Variants in NID2 observed in about 807,000 individuals in gnomAD.
NID2 encodes nidogen-2.
A neutral mutation model predicts 145.4 loss-of-function variants in NID2; 83 were observed. The ratio of observed to expected loss-of-function variants is 0.57; its 90% CI spans 0.48 to 0.69. NID2 has a LOEUF of 0.69. Ranked by LOEUF, NID2 falls within the 30% of genes least tolerant of loss-of-function variation. NID2 has a pLI of 0.00. For synonymous variants in NID2, 739 were observed against 701.3 expected, an observed-to-expected ratio of 1.05 and a Z score of -0.85; for missense variants, 1,807 against 1,765.7, an observed-to-expected ratio of 1.02 and a Z score of -0.42.
rs1295705140 is a variant in NID2 at position 52,005,279 on chromosome 14, A to AACAACC, written c.*201_*206dup. 2.2e-5 allele frequency: 9 copies of AACAACC among 410,966 alleles called. No individual in the cohort carries two copies. The highest frequency in any genetic ancestry group is 1.1e-4 in the East Asian group (3 of 28,022). 25.5% of individuals were successfully genotyped at this position (410,966 alleles called of 1,614,324 possible). A position where few individuals can be genotyped will look rare whatever the true frequency, so the allele number is the denominator to read the frequency against. On this transcript the variant is annotated 3_prime_UTR_variant, in exon 22 of 22. Transcript: ENST00000216286. Reference sequence around the variant, plus strand: ...TCTGTTACCTTTTTAAACTTGCAATAACAACCTTCATTTTTAAAAATACAG... The same window carrying AACAACC: ...TCTGTTACCTTTTTAAACTTGCAATAACAACCACAACCTTCATTTTTAAAAATACAG...
Position 52,027,311 on chromosome 14 carries a change from C to A in NID2, c.2564G>T (p.Gly855Val). The change falls in exon 12 of 22, where the codon GGC (glycine) becomes GTC (valine). Residue 855 changes from glycine to valine, a missense_variant. Coordinates refer to ENST00000216286, the MANE Select transcript of NID2 (RefSeq NM_007361.4). The part of the protein sequence containing the change: ...ITPPANPCED[G>V]SHTCAPAGQA... ...CCCAGCAGGAGCACAGGTATGACTG[C>A]CATCCTCACAGGGGTTGGCAGGTGG... 1.3e-5 allele frequency: 21 copies of A among 1,589,536 alleles called. No individual in the cohort carries two copies. Among genetic ancestry groups the A allele is most frequent in the Non-Finnish European group, 1.8e-5 (21 of 1,169,116 alleles).
At chr14:52,038,489 C>T (rs924263334) in intron 9 of NID2, among the ~76,000 whole-genome samples, 4 of 152,170 alleles carry the variant, frequency 2.6e-5, no homozygotes, top group African/African-American at 9.7e-5. Flanking sequence ...CTGATTGGCA[C>T]GCACAGTTGG....
intron 7 of NID2, 62 bp downstream of exon 7, chr14:52,042,043 C>A: frequency 3.3e-6 from 5 of 1,522,968 alleles, no homozygotes; most frequent in Non-Finnish European, 4.4e-6. Context: ...AAAGACAGTG[C>A]CCCAAGGAGC....
chr14:52,057,146 A>G (rs1383017184), intron 3 of NID2, among the ~76,000 whole-genome samples: 4 of 152,042 alleles, frequency 2.6e-5, no homozygotes, highest in Non-Finnish European at 5.9e-5. Flanking sequence ...GGCTCAAGTG[A>G]TCCTCCCACT....
chr14:52,067,936 G>T lies in NID2; in HGVS notation c.456C>A (p.Pro152=), dbSNP rs1057240617. ...AGFPRSARFT[P]THAFLATWEQ... ...CCCAGGTGGCCAGGAAGGCGTGGGT[G>T]GGGGTAAAGCGCGCAGAGCGCGGGA... Residue 152 remains proline (P), a synonymous_variant, in exon 2 of 22, where the codon CCC becomes CCA. Transcript: ENST00000216286. 6.8e-6 allele frequency: 11 copies of T among 1,612,058 alleles called. No homozygotes were observed. Among genetic ancestry groups the T allele is most frequent in the African/African-American group, 1.3e-5 (1 of 74,796 alleles).
chr14:52,068,862 C>T lies in NID2; in HGVS notation c.133G>A (p.Asp45Asn), dbSNP rs752732726. ...TCGTCGCCTTCCTGCAGGAGCTGGT[C>T]CCCCCACGACTCCCCGTGTGGGAAG... ...ELFPHGESWG[D>N]QLLQEGDDES... is the part of the protein sequence containing the mutation. Residue 45 changes from aspartate to asparagine, a missense_variant, in exon 1 of 22, where the codon GAC becomes AAC. Coordinates refer to ENST00000216286, the MANE Select transcript of NID2 (RefSeq NM_007361.4). 6.2e-7 allele frequency: 1 copy of T among 1,613,662 alleles called. No individual in the cohort carries two copies. The highest frequency in any genetic ancestry group is 1.1e-5 in the South Asian group (1 of 91,082).
At chr14:52,016,841 A>G (rs1055296726) in intron 14 of NID2, among the ~76,000 whole-genome samples, 1 of 152,200 alleles carries the variant, frequency 6.6e-6, no homozygotes, top group Non-Finnish European at 1.5e-5. Context: ...TCCAGCACCT[A>G]CAATTCCTCT....
At chr14:52,061,635 G>T (rs980264443) in intron 2 of NID2, among the ~76,000 whole-genome samples, 1 of 152,126 alleles carries the variant, frequency 6.6e-6, no homozygotes, top group Non-Finnish European at 1.5e-5. Flanking sequence ...AACACTGCAG[G>T]AGCCAACACA....
rs1429976078 is a variant in NID2, at chr14:52,069,035, C to G, written c.-41G>C. ...CGCTTACCCGCTGCACAACGCGTCC[C>G]GCCCCGGCCTCCAGCCCACTCTCCG... On this transcript the variant is annotated 5_prime_UTR_variant, in exon 1 of 22. Coordinates refer to ENST00000216286, the MANE Select transcript of NID2 (RefSeq NM_007361.4). The G allele has an allele frequency of 1.3e-6, 2 of 1,499,882 alleles. No homozygotes were observed. Among genetic ancestry groups the G allele is most frequent in the Non-Finnish European group, 1.8e-6 (2 of 1,097,168 alleles). The allele number at this position is 1,499,882 out of a possible 1,614,324, so 92.9% of individuals were successfully genotyped here.
intron 5 of NID2, among the ~76,000 whole-genome samples, chr14:52,044,879 C>T (rs1892431263): frequency 6.6e-6 from 1 of 152,102 alleles, no homozygotes; most frequent in African/African-American, 2.4e-5. Flanking sequence ...CCACCTAGGC[C>T]TCCCAAAATG....
chr14:52,046,955 AC>A (rs1368033532), intron 5 of NID2, among the ~76,000 whole-genome samples: 26 of 152,328 alleles, frequency 1.7e-4, no homozygotes, highest in Middle Eastern at 3.4e-3. Flanking sequence ...CTGCCTTCAT[AC>A]CCAAGTGCAC....
chr14:52,036,427 C>A (rs903505341), intron 9 of NID2, among the ~76,000 whole-genome samples: 4 of 152,196 alleles, frequency 2.6e-5, no homozygotes, highest in Non-Finnish European at 5.9e-5. Context: ...ATGTATGTTG[C>A]TTCCACCTTT....
chr14:52,068,892 C>G lies in NID2; in HGVS notation c.103G>C (p.Glu35Gln), dbSNP rs764539180. 6.2e-7 allele frequency: 1 copy of G among 1,614,088 alleles called. No homozygotes were observed. Among genetic ancestry groups the G allele is most frequent in the South Asian group, 1.1e-5 (1 of 91,088 alleles). The stretch of plus-strand genomic sequence containing the variant: ...CACGACTCCCCGTGTGGGAAGAGCT[C>G]GTCTGGGTGCAGCGCCGCGGCCCGC... ...MLRAAALHPD[E>Q]LFPHGESWGD... The change falls in exon 1 of 22, where the codon GAG (glutamate) becomes CAG (glutamine). Residue 35 changes from glutamate (E) to glutamine (Q), a missense_variant. By Grantham distance (29) the Glu-to-Gln change is conservative (BLOSUM62 2). Transcript: ENST00000216286.
intron 20 of NID2, chr14:52,006,063 A>G: frequency 1.8e-6 from 1 of 546,914 alleles, no homozygotes; most frequent in Non-Finnish European, 3.3e-6. Flanking sequence ...TGAGCTATCA[A>G]ATCAGAGTTG....
chr14:52,010,769 T>C (rs570702536), intron 18 of NID2, 107 bp downstream of exon 18: 35 of 1,118,044 alleles, frequency 3.1e-5, no homozygotes, highest in Admixed American at 8.0e-5. Flanking sequence ...ATGAATGCAT[T>C]TGAGCTTTCA....
chr14:52,005,778 T>A lies in NID2; in HGVS notation c.4076A>T (p.His1359Leu). 6.2e-7 allele frequency: 1 copy of A among 1,613,726 alleles called. No homozygotes were observed. The highest frequency in any genetic ancestry group is 8.5e-7 in the Non-Finnish European group (1 of 1,179,654). ...TDEYLPEQRS[H>L]LYGITAVYPY... Reference sequence around the variant, plus strand: ...GTAGACTGCAGTTATCCCGTAGAGGTGAGATCGTTGTTCTGGGAGATACTC... The same window carrying A: ...GTAGACTGCAGTTATCCCGTAGAGGAGAGATCGTTGTTCTGGGAGATACTC... The change falls in exon 21 of 22, where the codon CAC becomes CTC. Residue 1359 changes from histidine to leucine, a missense_variant. Coordinates refer to ENST00000216286, the MANE Select transcript of NID2 (RefSeq NM_007361.4).
At chr14:52,034,692 T>C (rs2140388991) in intron 9 of NID2, among the ~76,000 whole-genome samples, 1 of 152,314 alleles carries the variant, frequency 6.6e-6, no homozygotes, top group East Asian at 1.9e-4. Flanking sequence ...TAAGGAGCCC[T>C]CAGCTCCAAT....
Position 52,026,611 on chromosome 14 carries a change from C to T in NID2, c.2674+590G>A, listed in dbSNP as rs140039443. On this transcript the variant is annotated intron_variant, in intron 12 of 21. Coordinates refer to ENST00000216286, the MANE Select transcript of NID2 (RefSeq NM_007361.4). ...GACATTTATACTCAGAGAGTTATGT[C>T]GAGCCTTTAAATAACAACCTCACAC... Among the ~76,000 whole-genome samples, 195 of 152,286 alleles carry T rather than the reference C, an allele frequency of 1.3e-3. 1 individual carries two copies. Among genetic ancestry groups the T allele is most frequent in the African/African-American group, 4.5e-3 (186 of 41,546 alleles).
intron 13 of NID2, 118 bp from the exon 14 acceptor site, chr14:52,019,412 C>A: frequency 4.2e-6 from 3 of 716,254 alleles, no homozygotes. Context: ...GCCCGAGATT[C>A]TTATTTTATA....
Sources: allele counts gnomAD v4.1 joint callset (sites outside exome capture counted in the v4.1 genomes callset), GRCh38; gene constraint gnomAD v4.1.1; transcripts MANE v1.5; gene names NCBI Gene and HGNC (gene_info 2026-07-23, HGNC 2026-07-21).